Variants in ANKRD28 observed in about 807,000 individuals in gnomAD.
ANKRD28 encodes ankyrin repeat domain 28, also known as serine/threonine-protein phosphatase 6 regulatory ankyrin repeat subunit A.
Under a neutral mutation model 126.5 loss-of-function variants are expected in ANKRD28, and 44 were observed. The ratio of observed to expected loss-of-function variants is 0.35; its 90% CI spans 0.27 to 0.45. The LOEUF is 0.45. Among genes scored for constraint, ANKRD28 ranks in the 20% least tolerant of loss-of-function variants. ANKRD28 has a pLI of 1.00. For synonymous variants in ANKRD28, 442 were observed against 468.5 expected (o/e 0.94, Z 0.73); for missense variants, 1,110 against 1,316.6 (o/e 0.84, Z 2.43).
chr3:15,720,929 C>T lies in ANKRD28; in HGVS notation c.982G>A (p.Asp328Asn), dbSNP rs750556295. 7.3e-5 allele frequency: 118 copies of T among 1,613,176 alleles called. No homozygotes were observed. Among genetic ancestry groups the T allele is most frequent in the Non-Finnish European group, 9.0e-5 (106 of 1,179,544 alleles). Residue 328 changes from aspartate (D) to asparagine (N), a missense_variant, in exon 8 of 28, where the codon GAT (aspartate) becomes AAT (asparagine). Physicochemically the swap from Asp to Asn is conservative, Grantham distance 23 (BLOSUM62 1). Coordinates refer to ENST00000683139, the MANE Select transcript of ANKRD28 (RefSeq NM_001349278.2). Reference sequence around the variant, plus strand: ...TTGTTCCTTACCTTCATATTGACATCGGCCCCATTGCCAACTAGAAGCTCT... The same window carrying T: ...TTGTTCCTTACCTTCATATTGACATTGGCCCCATTGCCAACTAGAAGCTCT... The part of the protein sequence containing the change: ...CLELLVGNGA[D>N]VNMKSKDGKT...
intron 27 of ANKRD28, among the ~76,000 whole-genome samples, chr3:15,674,032 C>A (rs1409608425): frequency 1.3e-5 from 2 of 151,236 alleles, no homozygotes; most frequent in Non-Finnish European, 2.9e-5. Context: ...ATTAGCTAGG[C>A]CTGGTGATGC....
At chr3:15,714,884 A>C (rs2072816693) in intron 8 of ANKRD28, among the ~76,000 whole-genome samples, 1 of 152,200 alleles carries the variant, frequency 6.6e-6, no homozygotes, top group Admixed American at 6.5e-5. Flanking sequence ...ACAATTTATA[A>C]AAATTGGGAG....
rs35787947 is a variant in ANKRD28 at position 15,711,865 on chromosome 3, A to ATT, written c.1273+273_1273+274dup. 3.7e-3 allele frequency among the ~76,000 whole-genome samples: 553 copies of ATT among 147,648 alleles called. 2 individuals carry two copies. The highest frequency in any genetic ancestry group is 0.017 in the East Asian group (87 of 5,038). ...CCACGCCCAGCTAATTTTTTTTTGTATTTTTTTTTTAGTAGAGATGGGCTT... is the reference window on the plus strand; with the variant it reads ...CCACGCCCAGCTAATTTTTTTTTGTATTTTTTTTTTTTAGTAGAGATGGGCTT... On this transcript the variant is annotated intron_variant, in intron 11 of 27. Transcript: ENST00000683139.
chr3:15,848,148 G>T (rs920783508), intron 1 of ANKRD28, among the ~76,000 whole-genome samples: 3 of 152,126 alleles, frequency 2.0e-5, no homozygotes, highest in Non-Finnish European at 2.9e-5. Flanking sequence ...TAGCTAACTG[G>T]AATTATCAAA....
At chr3:15,712,304 T>G (rs1233110572) in intron 10 of ANKRD28, 82 bp from the exon 11 acceptor site, 2 of 1,162,408 alleles carry the variant, frequency 1.7e-6, no homozygotes, top group East Asian at 5.2e-5. Flanking sequence ...AAGAGACCAC[T>G]TAAGTGAAAG....
At chr3:15,835,192 G>A (rs535063709) in intron 1 of ANKRD28, among the ~76,000 whole-genome samples, 1 of 152,106 alleles carries the variant, frequency 6.6e-6, no homozygotes, top group South Asian at 2.1e-4. Context: ...AAAAACAAAG[G>A]TCAGATGCCA....
Position 15,814,141 on chromosome 3 carries a change from G to A in ANKRD28, c.28-18835C>T. 2.0e-6 allele frequency: 1 copy of A among 504,138 alleles called. No individual in the cohort carries two copies. Among genetic ancestry groups the A allele is most frequent in the South Asian group, 3.4e-5 (1 of 29,488 alleles). 31.2% of individuals were successfully genotyped at this position (504,138 alleles called of 1,614,324 possible). ...TAACTATTTACTCACATACAGTTAT[G>A]TATGAAAGCTAAGTTACAAGGAGGC... On this transcript the variant is annotated intron_variant, in intron 1 of 27. Transcript: ENST00000399451. This position sits in a 1 kb window ranked among gnomAD's most constrained non-coding sequence, Gnocchi z 4.7.
In ANKRD28 at chr3:15,846,248, C is replaced by T. The variant is rs532185042; in HGVS notation, c.27+13129G>A. Among the ~76,000 whole-genome samples, 61 of 152,308 alleles carry T rather than the reference C, an allele frequency of 4.0e-4. No homozygotes were observed. The highest frequency in any genetic ancestry group is 2.5e-3 in the East Asian group (13 of 5,188). On this transcript the variant is annotated intron_variant, in intron 1 of 27. Transcript: ENST00000399451. The surrounding 1 kb of genome is among the most constrained non-coding windows in gnomAD (Gnocchi z 5.4). ...AATGGAGGTACAGGCATTGGGTAAA[C>T]GTTCCTGTTCCAATGGGAGACACTG...
intron 2 of ANKRD28, among the ~76,000 whole-genome samples, chr3:15,777,216 GTGAGCTGAGAT>G (rs1466559556): frequency 1.3e-5 from 2 of 149,736 alleles, no homozygotes; most frequent in Admixed American, 6.7e-5. Context: ...AGAGCTTGCA[GTGAGCTGAGAT>G]TGCGCCACTG....
At chr3:15,726,497 TTTCTTCAA>T (rs2074174681) in intron 6 of ANKRD28, among the ~76,000 whole-genome samples, 1 of 152,216 alleles carries the variant, frequency 6.6e-6, no homozygotes, top group Non-Finnish European at 1.5e-5. Context: ...AGGCCTCAAC[TTTCTTCAA>T]TTCTATGAAG....
chr3:15,810,957 A>T (rs1282918837), intron 1 of ANKRD28, among the ~76,000 whole-genome samples: 1 of 152,186 alleles, frequency 6.6e-6, no homozygotes, highest in Non-Finnish European at 1.5e-5. Context: ...GCCTACTGTG[A>T]GTGACTTTAA....
At chr3:15,786,724 T>C (rs549632588) in intron 2 of ANKRD28, among the ~76,000 whole-genome samples, 1 of 152,236 alleles carries the variant, frequency 6.6e-6, no homozygotes, top group East Asian at 1.9e-4. Context: ...GGACATAATT[T>C]ATCATATTTT....
chr3:15,755,344 A>G (rs1392947451), intron 3 of ANKRD28, among the ~76,000 whole-genome samples: 1 of 152,204 alleles, frequency 6.6e-6, no homozygotes. Context: ...TGTACACTAC[A>G]AGAGCAGCAG....
At chr3:15,771,104 G>A (rs1180963798) in intron 2 of ANKRD28, among the ~76,000 whole-genome samples, 1 of 152,126 alleles carries the variant, frequency 6.6e-6, no homozygotes, top group African/African-American at 2.4e-5. Context: ...TGGTTGTACA[G>A]GCTGTATAAG....
rs541645838 is a variant in ANKRD28 at position 15,806,888 on chromosome 3, T to C, written c.28-11582A>G. ...CTATGTAATAGAATATTAAACACAT[T>C]TGTTAATATTAGGCCTATCCTAAGC... On this transcript the variant is annotated intron_variant, in intron 1 of 27. Coordinates refer to the ANKRD28 transcript ENST00000399451. Among the ~76,000 whole-genome samples the C allele has an allele frequency of 1.4e-4, 22 of 152,302 alleles. No homozygotes were observed. In the South Asian group the frequency reaches 4.1e-3, roughly 29 times the overall value.
rs76968672 is a variant in ANKRD28, at chr3:15,692,948, C to A, written c.1761+1791G>T. On this transcript the variant is annotated intron_variant, in intron 17 of 27. Transcript: ENST00000683139. The stretch of plus-strand genomic sequence containing the variant: ...CAGCTTAAAAATAAGGAAATTCAGC[C>A]ACATGCTACAACATGGATGAAACCT... Among the ~76,000 whole-genome samples the A allele has an allele frequency of 4.1e-3, 618 of 152,152 alleles. 1 individual carries two copies. The highest frequency in any genetic ancestry group is 0.023 in the East Asian group (118 of 5,168).
At chr3:15,809,555 C>T (rs989900874) in intron 1 of ANKRD28, among the ~76,000 whole-genome samples, 5 of 152,122 alleles carry the variant, frequency 3.3e-5, no homozygotes, top group Admixed American at 2.6e-4. Flanking sequence ...TCTTTTCTTT[C>T]GGGATTGTGA....
chr3:15,694,950 T>C, intron 16 of ANKRD28, 137 bp from the exon 17 acceptor site: 1 of 847,812 alleles, frequency 1.2e-6, no homozygotes. Context: ...ATTATGAAAG[T>C]ATACTAAGGA....
chr3:15,767,480 C>T (rs957993387), intron 2 of ANKRD28, among the ~76,000 whole-genome samples: 11 of 151,932 alleles, frequency 7.2e-5, no homozygotes, highest in African/African-American at 2.4e-4. Flanking sequence ...TCCTGGCCTC[C>T]CTTGAAGTTG....
Sources: allele counts gnomAD v4.1 joint callset (sites outside exome capture counted in the v4.1 genomes callset), GRCh38; gene constraint gnomAD v4.1.1; non-coding constraint Gnocchi (gnomAD v3.1); transcripts MANE v1.5; gene names NCBI Gene and HGNC (gene_info 2026-07-23, HGNC 2026-07-21).